Variants in ACTN1 observed in about 807,000 individuals in gnomAD.
ACTN1 encodes actinin alpha 1.
ACTN1 carries 30 observed loss-of-function variants against 119.6 expected under a neutral mutation model. The ratio of observed to expected loss-of-function variants is 0.25; its 90% confidence interval spans 0.19 to 0.34. ACTN1 has a LOEUF of 0.34. Among genes scored for constraint, ACTN1 ranks in the 10% least tolerant of loss-of-function variants. The pLI is 1.00. For missense variants in ACTN1, 764 were observed against 1,223.4 expected (o/e 0.62, Z 5.60); for synonymous variants, 429 against 472.6 (o/e 0.91, Z 1.20).
chr14:68,953,688 C>A (rs2036247008), intron 1 of ACTN1, among the ~76,000 whole-genome samples: 1 of 151,314 alleles, frequency 6.6e-6, no homozygotes, highest in South Asian at 2.1e-4. Context: ...ACCAGCCTGG[C>A]CAATATGGTG....
At chr14:68,923,060 A>G (rs2034735582) in intron 2 of ACTN1, among the ~76,000 whole-genome samples, 1 of 152,250 alleles carries the variant, frequency 6.6e-6, no homozygotes, top group African/African-American at 2.4e-5. Flanking sequence ...AGAAATGCAC[A>G]GGTCCCCTGG....
chr14:68,909,401 C>T lies in ACTN1; in HGVS notation c.516-5G>A. On this transcript the variant is annotated splice_region_variant and splice_polypyrimidine_tract_variant and intron_variant, in intron 5 of 21. Transcript: ENST00000394419. This position sits in a 1 kb window ranked among gnomAD's most constrained non-coding sequence, Gnocchi z 4.1. ...AAGCCGAGGCCATCCTTCCAGCTGC[C>T]CGGGGAGAGAGAAGAAGGAGCAGGC... 1 of 1,613,882 alleles carries T rather than the reference C, an allele frequency of 6.2e-7. No individual in the cohort carries two copies. The highest frequency in any genetic ancestry group is 8.5e-7 in the Non-Finnish European group (1 of 1,179,946).
intron 10 of ACTN1, among the ~76,000 whole-genome samples, chr14:68,891,550 A>C (rs1258514344): frequency 6.6e-6 from 1 of 152,162 alleles, no homozygotes; most frequent in African/African-American, 2.4e-5. Flanking sequence ...CATTTTTTTT[A>C]AAGTTGATAC....
intron 1 of ACTN1, among the ~76,000 whole-genome samples, chr14:68,968,293 G>C (rs1483441842): frequency 6.6e-6 from 1 of 152,230 alleles, no homozygotes; most frequent in Non-Finnish European, 1.5e-5. Context: ...AGGAAGCCGG[G>C]TTCAGTCCCA....
At position 68,879,677 on chromosome 14, in the gene ACTN1, G is replaced by A. The variant is rs1427619347; in HGVS notation, c.2280+285C>T. Among the ~76,000 whole-genome samples, 3 of 152,128 alleles carry A rather than the reference G, an allele frequency of 2.0e-5. No individual in the cohort carries two copies. The East Asian group carries it at 5.8e-4, about 29-fold the overall frequency. ...CCAGGGAGCAGCAAGCCTTCACTGA[G>A]GGTGACTCCTCATGGTAGGAGAGCA... is the stretch of plus-strand genomic sequence containing the variant. On this transcript the variant is annotated intron_variant, in intron 18 of 21. Transcript: ENST00000394419. The surrounding 1 kb of genome is among the most constrained non-coding windows in gnomAD (Gnocchi z 4.9).
intron 1 of ACTN1, among the ~76,000 whole-genome samples, chr14:68,961,220 A>G (rs2036527168): frequency 6.6e-6 from 1 of 152,248 alleles, no homozygotes; most frequent in Non-Finnish European, 1.5e-5. Context: ...GGCAAGGAAC[A>G]TAAAGGCTGT....
intron 6 of ACTN1, among the ~76,000 whole-genome samples, chr14:68,908,988 T>A (rs1408671239): frequency 6.6e-6 from 1 of 152,070 alleles, no homozygotes; most frequent in Non-Finnish European, 1.5e-5. Context: ...GAAAATAGTG[T>A]CTCCTCTTTA....
At chr14:68,881,098 C>T (rs2031466992) in intron 16 of ACTN1, 109 bp from the exon 17 acceptor site, 2 of 1,059,068 alleles carry the variant, frequency 1.9e-6, no homozygotes, top group Non-Finnish European at 2.7e-6. Context: ...ATTCTCAGTT[C>T]CCATCCCAGC....
At chr14:68,970,990 C>T (rs2036866436) in intron 1 of ACTN1, among the ~76,000 whole-genome samples, 1 of 152,202 alleles carries the variant, frequency 6.6e-6, no homozygotes, top group Non-Finnish European at 1.5e-5. Flanking sequence ...GAAGAGAAAG[C>T]CACACATGGA....
intron 10 of ACTN1, among the ~76,000 whole-genome samples, chr14:68,891,230 C>T (rs1378234823): frequency 2.6e-5 from 4 of 152,168 alleles, no homozygotes; most frequent in Non-Finnish European, 5.9e-5. Flanking sequence ...TGCGTCATGG[C>T]AAATTTCTTA....
chr14:68,916,837 TC>T (rs2034322447), intron 3 of ACTN1, among the ~76,000 whole-genome samples: 1 of 152,122 alleles, frequency 6.6e-6, no homozygotes, highest in African/African-American at 2.4e-5. Flanking sequence ...GGAACATGTT[TC>T]TCCCTCCTTC....
At chr14:68,924,231 G>A (rs191443910) in intron 2 of ACTN1, among the ~76,000 whole-genome samples, 23 of 152,218 alleles carry the variant, frequency 1.5e-4, no homozygotes, top group African/African-American at 2.4e-4. Context: ...CCTTAATACC[G>A]CTGAACTGCA....
chr14:68,929,823 C>G (rs1442031511), intron 1 of ACTN1, among the ~76,000 whole-genome samples: 1 of 152,184 alleles, frequency 6.6e-6, no homozygotes, highest in Admixed American at 6.5e-5. Context: ...TCAATGACCT[C>G]GAAGCCACTG....
chr14:68,924,956 T>C (rs1237387389), intron 2 of ACTN1, among the ~76,000 whole-genome samples: 1 of 152,132 alleles, frequency 6.6e-6, no homozygotes, highest in Non-Finnish European at 1.5e-5. Flanking sequence ...AGGTTCAGCA[T>C]TTCAGAGGTG....
chr14:68,891,637 A>C (rs1474698643), intron 10 of ACTN1, among the ~76,000 whole-genome samples: 1 of 152,212 alleles, frequency 6.6e-6, no homozygotes, highest in African/African-American at 2.4e-5. Context: ...TACCCAAAAA[A>C]ACCCACAAAA....
chr14:68,892,512 C>T (rs2032574577), intron 9 of ACTN1, among the ~76,000 whole-genome samples: 1 of 152,224 alleles, frequency 6.6e-6, no homozygotes, highest in Non-Finnish European at 1.5e-5. Context: ...CATCGACTCA[C>T]AGTCACGTCA....
rs145122418 is a variant in ACTN1, at chr14:68,880,970, A to G, written c.1973T>C (p.Ile658Thr). 32 of 1,614,096 alleles carry G rather than the reference A, an allele frequency of 2.0e-5. No homozygotes were observed. Among genetic ancestry groups the G allele is most frequent in the Admixed American group, 5.0e-5 (3 of 60,024 alleles). Residue 658 changes from isoleucine to threonine, a missense_variant, in exon 17 of 22, where the codon ATT (isoleucine) becomes ACT (threonine). Ile to Thr is a moderately conservative substitution (Grantham distance 89). This residue lies in a region of ACTN1 where 544 missense variants were observed against 912.0 expected (regional missense o/e 0.60). Transcript: ENST00000394419. The surrounding 1 kb of genome is among the most constrained non-coding windows in gnomAD (Gnocchi z 4.6). ...GTCCTCCAGGGTCCCATGCATCTCA[A>G]TGGAGATCCTCCCGATCTCCTGCTC... ...TKMEEIGRIS[I>T]EMHGTLEDQL...
rs149062977 is a variant in ACTN1, at chr14:68,907,505, A to G, written c.594+1813T>C. Among the ~76,000 whole-genome samples, 758 of 152,322 alleles carry G rather than the reference A, an allele frequency of 5.0e-3. 3 individuals carry two copies. Among genetic ancestry groups the G allele is most frequent in the African/African-American group, 0.017 (704 of 41,570 alleles). ...CCTGAACCCAGGAGGCGGAGGTTGC[A>G]GTGAGTGGAGATCACGCCATTGCAC... On this transcript the variant is annotated intron_variant, in intron 6 of 21. Transcript: ENST00000394419.
rs1288059229 is a variant in ACTN1 at position 68,880,258 on chromosome 14, CAGGACAAGGACAACCTACT to C, written c.2134-169_2134-151del. ...TGAGTGTCACCAGAGGAAGGGGAACCAGGACAAGGACAACCTACTAGGACAAGGACCCTAGATGACCAAG... is the reference window on the plus strand; with the variant it reads ...TGAGTGTCACCAGAGGAAGGGGAACCAGGACAAGGACCCTAGATGACCAAG... On this transcript the variant is annotated intron_variant, in intron 17 of 21. Coordinates refer to ENST00000394419, the MANE Select transcript of ACTN1 (RefSeq NM_001130004.2). This position sits in a 1 kb window ranked among gnomAD's most constrained non-coding sequence, Gnocchi z 4.6. 5 of 977,124 alleles carry C rather than the reference CAGGACAAGGACAACCTACT, an allele frequency of 5.1e-6. No individual in the cohort carries two copies. Among genetic ancestry groups the C allele is most frequent in the Non-Finnish European group, 7.4e-6 (5 of 676,150 alleles). 60.5% of individuals were successfully genotyped at this position (977,124 alleles called of 1,614,324 possible).
Sources: allele counts gnomAD v4.1 joint callset (sites outside exome capture counted in the v4.1 genomes callset), GRCh38; gene constraint gnomAD v4.1.1; regional missense constraint gnomAD v4.1.1; non-coding constraint Gnocchi (gnomAD v3.1); transcripts MANE v1.5; gene names NCBI Gene and HGNC (gene_info 2026-07-23, HGNC 2026-07-21).